Variants in ZNF354C observed in about 807,000 individuals in gnomAD.
ZNF354C encodes zinc finger protein 354C.
Under a neutral mutation model 12.4 loss-of-function variants are expected in ZNF354C, and 7 were observed. That is an observed-to-expected ratio of 0.56 (90% CI 0.32 to 1.06). ZNF354C has a LOEUF of 1.06. Ranked by LOEUF, ZNF354C falls within the 50% of genes least tolerant of loss-of-function variation. The pLI, the probability that ZNF354C is intolerant of heterozygous loss-of-function variation, is 0.04. For missense variants in ZNF354C, 609 were observed against 658.0 expected (o/e 0.93, Z 0.81); for synonymous variants, 202 against 224.5 (o/e 0.90, Z 0.90).
At position 179,082,623 on chromosome 5, in the gene ZNF354C, T is replaced by A; in HGVS notation, c.*2526T>A. ...GAGATATTCAGAAACCTTCACCAGA[T>A]TCCTCCCAACTTGATCATAGTGGAT... On this transcript the variant is annotated 3_prime_UTR_variant, in exon 5 of 5. Transcript: ENST00000315475. The A allele has an allele frequency of 2.2e-6, 3 of 1,359,814 alleles. No homozygotes were observed. Among genetic ancestry groups the A allele is most frequent in the Non-Finnish European group, 3.2e-6 (3 of 952,088 alleles). The allele number at this position is 1,359,814 out of a possible 1,614,324, so 84.2% of individuals were successfully genotyped here.
In ZNF354C at chr5:179,079,324, A is replaced by G. The variant is rs765421888; in HGVS notation, c.892A>G (p.Lys298Glu). 9 of 1,614,198 alleles carry G rather than the reference A, an allele frequency of 5.6e-6. No individual in the cohort carries two copies. The Admixed American group carries it at 1.3e-4, about 24-fold the overall frequency. ...ACATCTGAGAGTGCATACTGGAGAG[A>G]AACCGTATCGATGTAGGGAATGTGG... Reference protein sequence around the residue: ...IKHLRVHTGEKPYRCRECGKA... With the variant: ...IKHLRVHTGEEPYRCRECGKA... The change falls in exon 5 of 5, where the codon AAA (lysine) becomes GAA (glutamate). Residue 298 changes from lysine (K) to glutamate (E), a missense_variant. By Grantham distance (56) the Lys-to-Glu change is moderately conservative (BLOSUM62 1). Coordinates refer to ENST00000315475, the MANE Select transcript of ZNF354C (RefSeq NM_014594.3). The surrounding 1 kb of genome is among the most constrained non-coding windows in gnomAD (Gnocchi z 4.2).
intron 2 of ZNF354C, among the ~76,000 whole-genome samples, chr5:179,066,387 G>C (rs960463900): frequency 6.6e-6 from 1 of 152,186 alleles, no homozygotes; most frequent in South Asian, 2.1e-4. Context: ...TAAGCAAATA[G>C]TTATCTTCTA....
intron 2 of ZNF354C, among the ~76,000 whole-genome samples, chr5:179,071,981 TAAC>T (rs1397483813): frequency 6.6e-6 from 1 of 152,122 alleles, no homozygotes; most frequent in East Asian, 1.9e-4. Context: ...CAAAGGAACA[TAAC>T]AAAATCCAGA....
Position 179,079,068 on chromosome 5 carries a change from AG to A in ZNF354C, c.638del (p.Gly213GlufsTer79). The A allele has an allele frequency of 6.2e-7, 1 of 1,613,770 alleles. No individual in the cohort carries two copies. The highest frequency in any genetic ancestry group is 8.5e-7 in the Non-Finnish European group (1 of 1,179,980). ...TGAAATGCTTCCAGATTTACCCAGGAGGAAAACCTCACATCTGTAATGAATG... is the reference window on the plus strand; with the variant it reads ...TGAAATGCTTCCAGATTTACCCAGGAGAAAACCTCACATCTGTAATGAATG... ...LMKCFQIYPG[G>X]KPHICNECGK... On this transcript the variant is annotated frameshift_variant, in exon 5 of 5. Transcript: ENST00000315475. LOFTEE classifies it low-confidence loss of function (END_TRUNC). This position sits in a 1 kb window ranked among gnomAD's most constrained non-coding sequence, Gnocchi z 4.2.
intron 2 of ZNF354C, among the ~76,000 whole-genome samples, chr5:179,064,278 G>C (rs1437591425): frequency 2.0e-5 from 3 of 152,042 alleles, no homozygotes; most frequent in Non-Finnish European, 4.4e-5. Context: ...GTTTTGCTCT[G>C]TCGCCCAGGC....
Position 179,083,882 on chromosome 5 carries a change from T to C in ZNF354C, c.*3785T>C, listed in dbSNP as rs1762260198. Reference sequence around the variant, plus strand: ...ATCTAAACCTCAGAGTTAGGAACCCTTCACTCTGGGCAGAGGATTTGTGAG... The same window carrying C: ...ATCTAAACCTCAGAGTTAGGAACCCCTCACTCTGGGCAGAGGATTTGTGAG... On this transcript the variant is annotated 3_prime_UTR_variant, in exon 5 of 5. Transcript: ENST00000315475. Among the ~76,000 whole-genome samples the C allele has an allele frequency of 6.6e-6, 1 of 152,192 alleles. No individual in the cohort carries two copies. Among genetic ancestry groups the C allele is most frequent in the Non-Finnish European group, 1.5e-5 (1 of 68,028 alleles).
At chr5:179,063,398 C>A (rs908698766) in intron 2 of ZNF354C, among the ~76,000 whole-genome samples, 4 of 152,050 alleles carry the variant, frequency 2.6e-5, no homozygotes, top group African/African-American at 9.7e-5. Context: ...TGTCACTATA[C>A]AAAATTAAAA....
rs1458136948 is a variant in ZNF354C, at chr5:179,079,621, G to T, written c.1189G>T (p.Val397Leu). 6.2e-7 allele frequency: 1 copy of T among 1,613,994 alleles called. No individual in the cohort carries two copies. The highest frequency in any genetic ancestry group is 2.2e-5 in the East Asian group (1 of 44,886). ...LECGRTFTRIVTLIEHQRIHT... is the reference protein window; with the variant it reads ...LECGRTFTRILTLIEHQRIHT... The stretch of plus-strand genomic sequence containing the variant: ...ATGTGGGAGAACCTTCACACGTATT[G>T]TAACCCTTATCGAACATCAGCGAAT... Residue 397 changes from valine to leucine, a missense_variant, in exon 5 of 5, where the codon GTA becomes TTA. By Grantham distance (32) the Val-to-Leu change is conservative. Coordinates refer to ENST00000315475, the MANE Select transcript of ZNF354C (RefSeq NM_014594.3). This position sits in a 1 kb window ranked among gnomAD's most constrained non-coding sequence, Gnocchi z 4.2.
rs1188992175 is a variant in ZNF354C, at chr5:179,080,285, A to C, written c.*188A>C. On this transcript the variant is annotated 3_prime_UTR_variant, in exon 5 of 5. Transcript: ENST00000315475. Reference sequence around the variant, plus strand: ...ACTTGTTAAATTTTAAAAGAACCATAAATTCTAAGGTATCTAAAAACCTAT... The same window carrying C: ...ACTTGTTAAATTTTAAAAGAACCATCAATTCTAAGGTATCTAAAAACCTAT... The C allele has an allele frequency of 1.0e-5, 4 of 397,026 alleles. No individual in the cohort carries two copies. Among genetic ancestry groups the C allele is most frequent in the Non-Finnish European group, 1.8e-5 (4 of 224,878 alleles). The allele number at this position is 397,026 out of a possible 1,614,324, so 24.6% of individuals were successfully genotyped here.
intron 2 of ZNF354C, among the ~76,000 whole-genome samples, chr5:179,065,759 G>C (rs1761951441): frequency 6.6e-6 from 1 of 152,114 alleles, no homozygotes; most frequent in African/African-American, 2.4e-5. Flanking sequence ...TGATTTGCGT[G>C]ATGTTTTTTC....
In ZNF354C at chr5:179,079,787, A is replaced by C. The variant is rs539508964; in HGVS notation, c.1355A>C (p.Lys452Thr). 3 of 1,613,758 alleles carry C rather than the reference A, an allele frequency of 1.9e-6. No individual in the cohort carries two copies. In the East Asian group the frequency reaches 6.7e-5, roughly 36 times the overall value. ...CEECGKAFGC[K>T]SNLYRHQRIH... ...GAATGTGGGAAAGCCTTTGGTTGCAAATCTAACCTTTATAGGCATCAGAGA... is the reference window on the plus strand; with the variant it reads ...GAATGTGGGAAAGCCTTTGGTTGCACATCTAACCTTTATAGGCATCAGAGA... The change falls in exon 5 of 5, where the codon AAA becomes ACA. Residue 452 changes from lysine to threonine, a missense_variant. Coordinates refer to ENST00000315475, the MANE Select transcript of ZNF354C (RefSeq NM_014594.3). This position sits in a 1 kb window ranked among gnomAD's most constrained non-coding sequence, Gnocchi z 4.2.
Position 179,081,223 on chromosome 5 carries a change from C to CTAA in ZNF354C, c.*1128_*1130dup, listed in dbSNP as rs754144491. 2.5e-4 allele frequency: 38 copies of CTAA among 152,050 alleles called. No homozygotes were observed. The highest frequency in any genetic ancestry group is 5.1e-4 in the Non-Finnish European group (35 of 68,016). The allele number at this position is 152,050 out of a possible 1,614,324, so 9.4% of individuals were successfully genotyped here. A position where few individuals can be genotyped will look rare whatever the true frequency, so the allele number is the denominator to read the frequency against. ...CTATATTCTTTTTTCTTATGAGTCC[C>CTAA]TAATTATGCCTGCTTTTGTTATAAT... On this transcript the variant is annotated 3_prime_UTR_variant, in exon 5 of 5. Coordinates refer to ENST00000315475, the MANE Select transcript of ZNF354C (RefSeq NM_014594.3).
chr5:179,079,815 T>A lies in ZNF354C; in HGVS notation c.1383T>A (p.Ile461=), dbSNP rs756470509. Residue 461 remains isoleucine (I), a synonymous_variant, in exon 5 of 5, where the codon ATT becomes ATA. Transcript: ENST00000315475. This position sits in a 1 kb window ranked among gnomAD's most constrained non-coding sequence, Gnocchi z 4.2. ...CTAACCTTTATAGGCATCAGAGAAT[T>A]CATACTGGAGAGAAACCGTATCAGT... ...CKSNLYRHQR[I]HTGEKPYQCN... 3.0e-5 allele frequency: 49 copies of A among 1,613,794 alleles called. No homozygotes were observed. The highest frequency in any genetic ancestry group is 3.3e-4 in the Middle Eastern group (2 of 6,084).
Position 179,062,028 on chromosome 5 carries a change from A to C in ZNF354C, c.-41A>C. ...TTTCCTCTGCAGACCCACCGTGTCC[A>C]CACTCTGCTCTCCCTGGGCAGGAAG... On this transcript the variant is annotated 5_prime_UTR_variant, in exon 2 of 5. Transcript: ENST00000315475. 6.2e-7 allele frequency: 1 copy of C among 1,613,572 alleles called. No homozygotes were observed.
At chr5:179,075,747 C>T (rs1475158603) in intron 2 of ZNF354C, among the ~76,000 whole-genome samples, 37 of 152,154 alleles carry the variant, frequency 2.4e-4, no homozygotes, top group Admixed American at 1.6e-3. Context: ...GGTCAAATTC[C>T]AGTGTCATAG....
At position 179,079,552 on chromosome 5, in the gene ZNF354C, C is replaced by T; in HGVS notation, c.1120C>T (p.His374Tyr). The T allele has an allele frequency of 6.2e-7, 1 of 1,614,146 alleles. No individual in the cohort carries two copies. Among genetic ancestry groups the T allele is most frequent in the Non-Finnish European group, 8.5e-7 (1 of 1,180,016 alleles). ...CAGCCAGTTTACATCTCTAGCTGAA[C>T]ATCAGAGGTTTCATACTGGAGAACA... is the stretch of plus-strand genomic sequence containing the variant. The part of the protein sequence containing the change: ...GYSQFTSLAE[H>Y]QRFHTGEQLY... The change falls in exon 5 of 5, where the codon CAT becomes TAT. Residue 374 changes from histidine to tyrosine, a missense_variant. Transcript: ENST00000315475. The surrounding 1 kb of genome is among the most constrained non-coding windows in gnomAD (Gnocchi z 4.2).
chr5:179,069,718 T>C lies in ZNF354C; in HGVS notation c.28-6727T>C, dbSNP rs530179434. Among the ~76,000 whole-genome samples the C allele has an allele frequency of 3.7e-4, 55 of 149,598 alleles. 1 individual carries two copies. The East Asian group carries it at 0.01, about 28-fold the overall frequency. ...GTCTCTACTAAAAAATACAAAAAAT[T>C]AGCCGGGCGCGGTGGCGGGCGCCTG... On this transcript the variant is annotated intron_variant, in intron 2 of 4. Coordinates refer to ENST00000315475, the MANE Select transcript of ZNF354C (RefSeq NM_014594.3).
At chr5:179,071,024 T>C in intron 2 of ZNF354C, among the ~76,000 whole-genome samples, 1 of 151,914 alleles carries the variant, frequency 6.6e-6, no homozygotes, top group East Asian at 1.9e-4. Context: ...AATTTTTTTT[T>C]GTATTTTTAG....
intron 2 of ZNF354C, among the ~76,000 whole-genome samples, chr5:179,070,839 C>A (rs1271222388): frequency 9.4e-6 from 1 of 106,726 alleles, no homozygotes. Flanking sequence ...GCCTTGATCG[C>A]TCTTTTTTTT....
Sources: gnomAD v4.1 joint callset for allele counts (sites outside exome capture counted in the v4.1 genomes callset) on GRCh38, gnomAD v4.1.1 for gene constraint, Gnocchi (gnomAD v3.1) non-coding constraint, MANE v1.5 for transcripts, NCBI Gene and HGNC (gene_info 2026-07-23, HGNC 2026-07-21) for gene names.